The following PTPRM variants were observed in gnomAD, a reference collection of about 807,000 sequenced individuals.
The protein encoded by PTPRM is receptor-type tyrosine-protein phosphatase mu.
PTPRM carries 47 observed loss-of-function variants against 186.7 expected under a neutral mutation model. The observed-to-expected ratio is 0.25, with a 90% CI of 0.20 to 0.32. The LOEUF (loss-of-function observed/expected upper bound fraction) is 0.32. Among genes scored for constraint, PTPRM ranks in the 10% least tolerant of loss-of-function variants. The pLI is 1.00. For missense variants in PTPRM, 1,494 were observed against 1,865.0 expected (o/e 0.80, Z 3.66); for synonymous variants, 668 against 674.9 (o/e 0.99, Z 0.16).
intron 14 of PTPRM, among the ~76,000 whole-genome samples, chr18:8,169,673 C>T (rs1379851808): frequency 2.6e-5 from 4 of 152,088 alleles, no homozygotes; most frequent in Non-Finnish European, 5.9e-5. Flanking sequence ...ATGGTGTATG[C>T]GTGTACTTTT....
At chr18:8,159,750 T>C (rs1817736417) in intron 14 of PTPRM, among the ~76,000 whole-genome samples, 1 of 152,158 alleles carries the variant, frequency 6.6e-6, no homozygotes, top group Non-Finnish European at 1.5e-5. Flanking sequence ...TTCTTACATC[T>C]AGTCTAGTGT....
chr18:7,906,188 T>C (rs921227006), intron 3 of PTPRM, among the ~76,000 whole-genome samples: 2 of 152,120 alleles, frequency 1.3e-5, no homozygotes, highest in South Asian at 2.1e-4. Context: ...GCCAACTCAC[T>C]ATCCTGTGAG....
At chr18:7,854,219 A>G (rs914087081) in intron 2 of PTPRM, among the ~76,000 whole-genome samples, 1 of 152,178 alleles carries the variant, frequency 6.6e-6, no homozygotes, top group East Asian at 1.9e-4. Context: ...TTCTTCTATC[A>G]TGTTACCTCT....
At chr18:7,620,168 G>T (rs1349620638) in intron 1 of PTPRM, among the ~76,000 whole-genome samples, 2 of 152,186 alleles carry the variant, frequency 1.3e-5, no homozygotes, top group Non-Finnish European at 2.9e-5. Context: ...TGATGTGGTG[G>T]ACAGGAGTTA....
intron 24 of PTPRM, among the ~76,000 whole-genome samples, chr18:8,371,295 C>G (rs2095661343): frequency 6.6e-6 from 1 of 152,228 alleles, no homozygotes; most frequent in Admixed American, 6.5e-5. Flanking sequence ...GCCCGTCTCT[C>G]TTTCTTTGTT....
At chr18:8,051,108 G>A (rs544275132) in intron 7 of PTPRM, among the ~76,000 whole-genome samples, 102 of 152,240 alleles carry the variant, frequency 6.7e-4, no homozygotes, top group African/African-American at 2.2e-3. Flanking sequence ...ACTCCATCCC[G>A]TGGGGGTATC....
chr18:8,028,839 G>A (rs1402572641), intron 7 of PTPRM, among the ~76,000 whole-genome samples: 1 of 152,204 alleles, frequency 6.6e-6, no homozygotes, highest in Non-Finnish European at 1.5e-5. Context: ...CATGAATGTA[G>A]TCATGACAGT....
chr18:8,355,390 A>G (rs2095558088), intron 23 of PTPRM, among the ~76,000 whole-genome samples: 1 of 152,172 alleles, frequency 6.6e-6, no homozygotes, highest in Non-Finnish European at 1.5e-5. Flanking sequence ...TGTTCCAGGC[A>G]GAGGCAACCA....
At chr18:7,794,845 C>G (rs2043531938) in intron 2 of PTPRM, among the ~76,000 whole-genome samples, 1 of 152,118 alleles carries the variant, frequency 6.6e-6, no homozygotes, top group Non-Finnish European at 1.5e-5. Context: ...GAAATGGACT[C>G]TTGGACCTCA....
chr18:8,339,604 A>T (rs1212105423), intron 22 of PTPRM, among the ~76,000 whole-genome samples: 5 of 152,182 alleles, frequency 3.3e-5, no homozygotes, highest in Non-Finnish European at 7.3e-5. Context: ...TGGGAGTCAG[A>T]GGTCAAAGGC....
chr18:7,895,251 T>G (rs2049295240), intron 3 of PTPRM, among the ~76,000 whole-genome samples: 1 of 152,168 alleles, frequency 6.6e-6, no homozygotes, highest in South Asian at 2.1e-4. Flanking sequence ...ATTGGGGATA[T>G]GCTAGCCTCT....
intron 7 of PTPRM, among the ~76,000 whole-genome samples, chr18:8,067,369 G>T (rs999834998): frequency 6.6e-6 from 1 of 152,146 alleles, no homozygotes; most frequent in East Asian, 1.9e-4. Flanking sequence ...AACCTTCAAT[G>T]TTATTTCTAA....
At chr18:8,394,055 G>A (rs759261186) in intron 31 of PTPRM, among the ~76,000 whole-genome samples, 7 of 152,226 alleles carry the variant, frequency 4.6e-5, no homozygotes, top group Admixed American at 3.9e-4. Flanking sequence ...GCCTCCCAAA[G>A]TGCTGGGATT....
intron 1 of PTPRM, among the ~76,000 whole-genome samples, chr18:7,644,942 T>C (rs1055828322): frequency 2.0e-5 from 3 of 152,216 alleles, no homozygotes; most frequent in Non-Finnish European, 4.4e-5. Context: ...TTCCTCAAGG[T>C]TGAACAAAAG....
intron 14 of PTPRM, among the ~76,000 whole-genome samples, chr18:8,238,924 C>A (rs1217216149): frequency 1.3e-5 from 2 of 150,786 alleles, no homozygotes; most frequent in Non-Finnish European, 2.9e-5. Flanking sequence ...TCCCCCAGGT[C>A]AGTTAGGCTC....
At chr18:7,682,942 G>A (rs1490132903) in intron 1 of PTPRM, among the ~76,000 whole-genome samples, 2 of 152,068 alleles carry the variant, frequency 1.3e-5, no homozygotes, top group African/African-American at 4.8e-5. Flanking sequence ...GTTTTGGGGT[G>A]AGTGCAAATT....
At chr18:8,101,450 T>C (rs908660073) in intron 11 of PTPRM, among the ~76,000 whole-genome samples, 2 of 152,184 alleles carry the variant, frequency 1.3e-5, no homozygotes, top group South Asian at 4.1e-4. Context: ...GGTCCTAGCA[T>C]TGTATTCCTG....
At position 8,244,088 on chromosome 18, in the gene PTPRM, G is replaced by A. The variant is rs549737526; in HGVS notation, c.2331G>A (p.Met777Ile). 2.7e-5 allele frequency: 43 copies of A among 1,609,878 alleles called. No individual in the cohort carries two copies. The highest frequency in any genetic ancestry group is 3.6e-5 in the Non-Finnish European group (42 of 1,178,780). Reference sequence around the variant, plus strand: ...TGGCCAAGAAGCGGAAAGAGACCATGAGCAGCACCCGACAGGAGATGACTG... The same window carrying A: ...TGGCCAAGAAGCGGAAAGAGACCATAAGCAGCACCCGACAGGAGATGACTG... Reference protein sequence around the residue: ...RKLAKKRKETMSSTRQEMTVM... With the variant: ...RKLAKKRKETISSTRQEMTVM... The change falls in exon 15 of 33, where the codon ATG (methionine) becomes ATA (isoleucine). Residue 777 changes from methionine to isoleucine, a missense_variant. Transcript: ENST00000580170.
intron 1 of PTPRM, among the ~76,000 whole-genome samples, chr18:7,681,802 C>G (rs2039488114): frequency 6.6e-6 from 1 of 151,986 alleles, no homozygotes. Flanking sequence ...CTTCTCATAC[C>G]TATGGCTGGA....
Sources: allele counts gnomAD v4.1 joint callset (sites outside exome capture counted in the v4.1 genomes callset), GRCh38; gene constraint gnomAD v4.1.1; transcripts MANE v1.5; gene names NCBI Gene and HGNC (gene_info 2026-07-23, HGNC 2026-07-21).